Variants in DISC1 observed in about 807,000 individuals in gnomAD.
DISC1 encodes the protein disrupted in schizophrenia 1 protein.
Under a neutral mutation model 84.5 loss-of-function variants are expected in DISC1, and 57 were observed. The ratio of observed to expected loss-of-function variants is 0.67; its 90% CI spans 0.55 to 0.84. The LOEUF is 0.84. DISC1 is among the 40% of genes least tolerant of loss of function. DISC1 has a pLI of 0.00. For synonymous variants in DISC1, 411 were observed against 415.2 expected (o/e 0.99, Z 0.12); for missense variants, 1,000 against 1,057.8 (o/e 0.95, Z 0.76).
chr1:231,643,302 C>T (rs988788272), intron 1 of DISC1, among the ~76,000 whole-genome samples: 4 of 152,126 alleles, frequency 2.6e-5, no homozygotes, highest in African/African-American at 9.7e-5. Context: ...TTCCTTGTCC[C>T]TTCAGATCTC....
At position 232,031,934 on chromosome 1, in the gene DISC1, G is replaced by A. The variant is rs1670091498; in HGVS notation, c.2426-4758G>A. On this transcript the variant is annotated intron_variant, in intron 12 of 12. Coordinates refer to ENST00000439617, the MANE Select transcript of DISC1 (RefSeq NM_018662.3). The surrounding 1 kb of genome is among the most constrained non-coding windows in gnomAD (Gnocchi z 4.6). Reference sequence around the variant, plus strand: ...ACCCAGGAAGGAATGGTGGTAAGAAGAAATAATGTAGCAAAAGAGTAGCAC... The same window carrying A: ...ACCCAGGAAGGAATGGTGGTAAGAAAAAATAATGTAGCAAAAGAGTAGCAC... Among the ~76,000 whole-genome samples, 1 of 152,194 alleles carries A rather than the reference G, an allele frequency of 6.6e-6. No individual in the cohort carries two copies. The highest frequency in any genetic ancestry group is 2.1e-4 in the South Asian group (1 of 4,830).
intron 11 of DISC1, among the ~76,000 whole-genome samples, chr1:232,026,189 G>A (rs1468164208): frequency 6.6e-6 from 1 of 152,148 alleles, no homozygotes; most frequent in African/African-American, 2.4e-5. Flanking sequence ...CATACTGGAA[G>A]CAGCACTTTG....
At chr1:231,795,146 A>G in intron 6 of DISC1, 96 bp from the exon 7 acceptor site, 1 of 1,180,654 alleles carries the variant, frequency 8.5e-7, no homozygotes, top group East Asian at 2.3e-5. Context: ...CGTCCATCAG[A>G]CCAGTGGAAG....
chr1:232,012,388 A>AC (rs1668097759), intron 11 of DISC1, among the ~76,000 whole-genome samples: 1 of 152,202 alleles, frequency 6.6e-6, no homozygotes, highest in South Asian at 2.1e-4. Context: ...TACAGAAGGT[A>AC]TGGGGAAATG....
intron 9 of DISC1, among the ~76,000 whole-genome samples, chr1:231,915,553 G>A (rs1001985045): frequency 3.3e-5 from 5 of 152,202 alleles, no homozygotes; most frequent in Non-Finnish European, 5.9e-5. Flanking sequence ...GGAGGCTGAG[G>A]TGGGCGGATC....
intron 9 of DISC1, among the ~76,000 whole-genome samples, chr1:231,930,090 G>T (rs1019650989): frequency 7.2e-5 from 11 of 152,142 alleles, no homozygotes; most frequent in Non-Finnish European, 4.4e-5. Context: ...GGATCAACCA[G>T]GCTCTCACTA....
chr1:231,864,741 C>T (rs150461403), intron 9 of DISC1, among the ~76,000 whole-genome samples: 266 of 152,108 alleles, frequency 1.7e-3, no homozygotes, highest in African/African-American at 6.1e-3. Context: ...ACGTGATGAC[C>T]GTTTAAAAAG....
At chr1:231,659,165 A>C (rs1444343560) in intron 1 of DISC1, among the ~76,000 whole-genome samples, 1 of 151,920 alleles carries the variant, frequency 6.6e-6, no homozygotes, top group African/African-American at 2.4e-5. Flanking sequence ...AGAACTCATT[A>C]TTGGTCTATT....
chr1:232,001,636 G>A (rs1473556137), intron 10 of DISC1, among the ~76,000 whole-genome samples: 2 of 152,102 alleles, frequency 1.3e-5, no homozygotes, highest in Non-Finnish European at 2.9e-5. Flanking sequence ...TTCAGTGAAG[G>A]AACAATAGAA....
At chr1:231,888,793 G>A (rs566232809) in intron 9 of DISC1, among the ~76,000 whole-genome samples, 3 of 151,120 alleles carry the variant, frequency 2.0e-5, no homozygotes, top group African/African-American at 7.3e-5. Context: ...CATCCACAGG[G>A]CTGCTGCTGC....
chr1:231,803,942 G>A (rs868150325), intron 8 of DISC1, among the ~76,000 whole-genome samples: 15 of 70,884 alleles, frequency 2.1e-4, no homozygotes, highest in Admixed American at 5.6e-4. Flanking sequence ...GCAAGACTCC[G>A]TCTCAAAAAA....
chr1:231,743,108 G>T (rs1046053712), intron 3 of DISC1, among the ~76,000 whole-genome samples: 1 of 152,282 alleles, frequency 6.6e-6, no homozygotes, highest in Non-Finnish European at 1.5e-5. Flanking sequence ...TTTTCATCTG[G>T]CAGTGGATGG....
intron 4 of DISC1, among the ~76,000 whole-genome samples, chr1:231,756,410 G>T (rs2075118480): frequency 6.6e-6 from 1 of 152,124 alleles, no homozygotes; most frequent in South Asian, 2.1e-4. Context: ...CTAGAGACTA[G>T]AATAGTGTCT....
rs1371723912 is a variant in DISC1 at position 232,038,807 on chromosome 1, G to T, written c.*1976G>T. ...CATTTATGTGTTTAGGGATAGTGAG[G>T]TTCCTGCCTTCACTAGGATCCACGG... On this transcript the variant is annotated 3_prime_UTR_variant, in exon 13 of 13. Coordinates refer to ENST00000439617, the MANE Select transcript of DISC1 (RefSeq NM_018662.3). 2 of 152,160 alleles carry T rather than the reference G, an allele frequency of 1.3e-5. No individual in the cohort carries two copies. The allele number at this position is 152,160 out of a possible 1,614,324, so 9.4% of individuals were successfully genotyped here.
chr1:231,667,447 C>G (rs2062125534), intron 1 of DISC1, among the ~76,000 whole-genome samples: 1 of 152,198 alleles, frequency 6.6e-6, no homozygotes, highest in South Asian at 2.1e-4. Flanking sequence ...CATATTAACA[C>G]ACACACCCAG....
intron 4 of DISC1, among the ~76,000 whole-genome samples, chr1:231,754,816 G>A (rs901118112): frequency 6.6e-6 from 1 of 152,166 alleles, no homozygotes; most frequent in African/African-American, 2.4e-5. Flanking sequence ...CCCCAGAAAA[G>A]TATAGGCCTT....
At chr1:231,834,457 A>T (rs1345426113) in intron 9 of DISC1, among the ~76,000 whole-genome samples, 2 of 152,208 alleles carry the variant, frequency 1.3e-5, no homozygotes, top group Non-Finnish European at 2.9e-5. Context: ...TCTGGACGTC[A>T]GGCATCTCAG....
chr1:231,815,314 A>G (rs1484216847), intron 8 of DISC1: 1 of 152,190 alleles, frequency 6.6e-6, no homozygotes, highest in Admixed American at 6.5e-5. Context: ...CACTCAAGAA[A>G]CAACACCCTA....
At chr1:231,914,881 GAATGTGAGAATTGTGTAT>G (rs1223588449) in intron 9 of DISC1, among the ~76,000 whole-genome samples, 11 of 152,242 alleles carry the variant, frequency 7.2e-5, no homozygotes, top group African/African-American at 2.4e-4. Context: ...GTCAAGACAG[GAATGTGAGAATTGTGTAT>G]ACTGTCCTGT....
Sources: allele counts gnomAD v4.1 joint callset (sites outside exome capture counted in the v4.1 genomes callset), GRCh38; gene constraint gnomAD v4.1.1; non-coding constraint Gnocchi (gnomAD v3.1); transcripts MANE v1.5; gene names NCBI Gene and HGNC (gene_info 2026-07-23, HGNC 2026-07-21).